Variants in HEPHL1 observed in about 807,000 individuals in gnomAD.
HEPHL1 encodes the protein hephaestin like 1, also known as ferroxidase HEPHL1.
HEPHL1 carries 123 observed loss-of-function variants against 122.0 expected under a neutral mutation model. That is an observed-to-expected ratio of 1.01 (90% confidence interval 0.87 to 1.17). HEPHL1 has a LOEUF of 1.17. Ranked by LOEUF, HEPHL1 falls within the 50% of genes most tolerant of loss-of-function variation. The probability of loss-of-function intolerance (pLI) is 0.00; values close to 1 mark genes in which losing one functional copy is unlikely to be tolerated. For missense variants in HEPHL1, 1,452 were observed against 1,430.5 expected, an observed-to-expected ratio of 1.01 and a Z score of -0.24; for synonymous variants, 527 against 508.9, an observed-to-expected ratio of 1.04 and a Z score of -0.48.
intron 2 of HEPHL1, among the ~76,000 whole-genome samples, chr11:94,063,147 T>C (rs1457626632): frequency 1.3e-4 from 20 of 152,168 alleles, no homozygotes; most frequent in Admixed American, 1.3e-3. Context: ...CTTAGGCTTC[T>C]CCTTCCCTTC....
intron 12 of HEPHL1, 93 bp downstream of exon 12, chr11:94,089,061 G>A: frequency 8.7e-7 from 1 of 1,152,262 alleles, no homozygotes. Context: ...TTCCCAGGTT[G>A]TGTCTCCACA....
At chr11:94,056,657 TTATC>T (rs1555061044) in intron 2 of HEPHL1, among the ~76,000 whole-genome samples, 1,363 of 111,860 alleles carry the variant, frequency 0.012, 27 homozygotes, top group African/African-American at 0.042. Context: ...CTATTATTGA[TTATC>T]TATCTATCTA....
At chr11:94,056,705 C>T (rs1279609236) in intron 2 of HEPHL1, among the ~76,000 whole-genome samples, 2 of 151,694 alleles carry the variant, frequency 1.3e-5, no homozygotes, top group Non-Finnish European at 2.9e-5. Flanking sequence ...ATCTATCTAT[C>T]TATAATGCCC....
At chr11:94,104,026 T>G (rs1315289636) in intron 15 of HEPHL1, among the ~76,000 whole-genome samples, 1 of 152,222 alleles carries the variant, frequency 6.6e-6, no homozygotes, top group Non-Finnish European at 1.5e-5. Context: ...TCCACACTTG[T>G]AACTGTAATA....
chr11:94,076,052 G>T (rs1395297349), intron 9 of HEPHL1, among the ~76,000 whole-genome samples: 1 of 152,062 alleles, frequency 6.6e-6, no homozygotes, highest in Non-Finnish European at 1.5e-5. Context: ...AAATAGCAAG[G>T]ACATTTATTT....
chr11:94,100,564 G>A (rs1391890878), intron 13 of HEPHL1, among the ~76,000 whole-genome samples: 1 of 152,192 alleles, frequency 6.6e-6, no homozygotes, highest in Non-Finnish European at 1.5e-5. Context: ...AGTTAGATGT[G>A]CATTTGTGAA....
chr11:94,099,856 T>C (rs1946352988), intron 13 of HEPHL1, among the ~76,000 whole-genome samples: 2 of 152,144 alleles, frequency 1.3e-5, no homozygotes, highest in Admixed American at 1.3e-4. Flanking sequence ...GCTAAGACCA[T>C]TGGAAAAGCG....
chr11:94,088,901 G>T lies in HEPHL1; in HGVS notation c.2227G>T (p.Glu743Ter). ...RTFYIAAEEV[E>*]WDYAPNKNWE... ...TTTTTACATCGCCGCTGAAGAAGTA[G>T]AATGGGATTATGCCCCTAACAAAAA... The change falls in exon 12 of 20, where the codon GAA becomes TAA. Residue 743 changes from glutamate to a stop codon, truncating the protein, a stop_gained. Coordinates refer to ENST00000315765, the MANE Select transcript of HEPHL1 (RefSeq NM_001098672.2). LOFTEE classifies it high-confidence loss of function. The T allele has an allele frequency of 1.2e-6, 2 of 1,613,978 alleles. No homozygotes were observed. The highest frequency in any genetic ancestry group is 1.7e-6 in the Non-Finnish European group (2 of 1,179,894).
At chr11:94,061,556 G>A (rs1018752538) in intron 2 of HEPHL1, among the ~76,000 whole-genome samples, 8 of 152,110 alleles carry the variant, frequency 5.3e-5, no homozygotes, top group African/African-American at 1.9e-4. Context: ...TTTTTTAAAT[G>A]TCATTTGGAT....
Position 94,093,524 on chromosome 11 carries a change from G to T in HEPHL1, c.2318G>T (p.Arg773Leu), listed in dbSNP as rs200582066. The change falls in exon 13 of 20, where the codon CGC becomes CTC. Residue 773 changes from arginine (R) to leucine (L), a missense_variant. Transcript: ENST00000315765. ...AGACATGGAGATATATTTATGAACC[G>T]CACTGAAAATTGGATTGGCTCTCAG... ...GERHGDIFMN[R>L]TENWIGSQYK... is the part of the protein sequence containing the mutation. The T allele has an allele frequency of 2.5e-6, 4 of 1,613,238 alleles. No homozygotes were observed. The highest frequency in any genetic ancestry group is 1.7e-5 in the Admixed American group (1 of 59,848).
intron 2 of HEPHL1, among the ~76,000 whole-genome samples, chr11:94,054,387 C>T (rs1211068868): frequency 6.6e-6 from 1 of 152,138 alleles, no homozygotes; most frequent in Non-Finnish European, 1.5e-5. Flanking sequence ...GGTATTAGGA[C>T]CCTGGGGGGC....
intron 13 of HEPHL1, among the ~76,000 whole-genome samples, chr11:94,100,009 A>C (rs1297986780): frequency 6.6e-6 from 1 of 151,898 alleles, no homozygotes; most frequent in African/African-American, 2.4e-5. Context: ...GGTGGGCTGC[A>C]CCCACTGTCC....
At chr11:94,052,598 C>A (rs1323447664) in intron 2 of HEPHL1, among the ~76,000 whole-genome samples, 1 of 151,886 alleles carries the variant, frequency 6.6e-6, no homozygotes, top group Non-Finnish European at 1.5e-5. Context: ...TTTGGATGTC[C>A]TTATTTCTTC....
chr11:94,041,170 T>C (rs1945774286), intron 1 of HEPHL1, among the ~76,000 whole-genome samples: 2 of 149,840 alleles, frequency 1.3e-5, no homozygotes, highest in African/African-American at 4.9e-5. Flanking sequence ...TTACAAGGGA[T>C]GTGAAGGACC....
In HEPHL1 at chr11:94,101,289, G is replaced by A. The variant is rs1946365570; in HGVS notation, c.2529G>A (p.Glu843=). 3 of 1,613,790 alleles carry A rather than the reference G, an allele frequency of 1.9e-6. No homozygotes were observed. In the South Asian group the frequency reaches 3.3e-5, roughly 18 times the overall value. ...ACTCCATCTCAGCCCAGGGTGTGGA[G>A]GAGATGGATAGTGGAAAGCAATTCC... is the stretch of plus-strand genomic sequence containing the variant. ...RPYSISAQGV[E]EMDSGKQFQV... is the part of the protein sequence containing the mutation. Residue 843 remains glutamate, a synonymous_variant, in exon 14 of 20, where the codon GAG becomes GAA. Transcript: ENST00000315765.
chr11:94,022,099 A>C (rs551905705), intron 1 of HEPHL1, among the ~76,000 whole-genome samples: 1 of 152,298 alleles, frequency 6.6e-6, no homozygotes, highest in South Asian at 2.1e-4. Context: ...TCCAGCTCCA[A>C]GTCATTCTTG....
chr11:94,067,787 A>G lies in HEPHL1; in HGVS notation c.1063+37A>G, dbSNP rs1462169260. The G allele has an allele frequency of 1.9e-6, 3 of 1,601,978 alleles. No homozygotes were observed. In the African/African-American group the frequency reaches 4.0e-5, roughly 21 times the overall value. On this transcript the variant is annotated intron_variant, in intron 5 of 19. Coordinates refer to ENST00000315765, the MANE Select transcript of HEPHL1 (RefSeq NM_001098672.2). ...AAAGACCAGAGTTGATATGTTTAGAATGGTACAATCAAACCACACAGTCAC... is the reference window on the plus strand; with the variant it reads ...AAAGACCAGAGTTGATATGTTTAGAGTGGTACAATCAAACCACACAGTCAC...
chr11:94,035,312 C>T (rs1305042199), intron 1 of HEPHL1, among the ~76,000 whole-genome samples: 2 of 152,162 alleles, frequency 1.3e-5, no homozygotes, highest in African/African-American at 2.4e-5. Context: ...TGACTACAAA[C>T]GTACTTATTT....
chr11:94,108,732 G>A lies in HEPHL1; in HGVS notation c.3046-2171G>A, dbSNP rs549253560. ...CATATATGTGGGTCTATGTCTGGGC[G>A]GTCTCTTCTGTTACACTGGTTTATA... is the stretch of plus-strand genomic sequence containing the variant. On this transcript the variant is annotated intron_variant, in intron 17 of 19. Transcript: ENST00000315765. Among the ~76,000 whole-genome samples the A allele has an allele frequency of 4.0e-5, 6 of 151,822 alleles. No homozygotes were observed. In the East Asian group the frequency reaches 5.8e-4, roughly 15 times the overall value.
Sources: allele counts gnomAD v4.1 joint callset (sites outside exome capture counted in the v4.1 genomes callset), GRCh38; gene constraint gnomAD v4.1.1; transcripts MANE v1.5; gene names NCBI Gene and HGNC (gene_info 2026-07-23, HGNC 2026-07-21).